AHRR: variants seen among roughly 807,000 people sequenced by gnomAD.
AHRR encodes aryl hydrocarbon receptor repressor, also known as ahR repressor.
A neutral mutation model predicts 44.0 loss-of-function variants in AHRR; 28 were observed. The observed-to-expected ratio is 0.64, with a 90% CI of 0.47 to 0.87. AHRR has a LOEUF of 0.87. AHRR is among the 40% of genes least tolerant of loss of function. The pLI is 0.00. For synonymous variants in AHRR, 434 were observed against 407.0 expected (o/e 1.07, Z -0.80); for missense variants, 990 against 953.9 (o/e 1.04, Z -0.50).
At chr5:359,826 G>A (rs1416031212) in intron 3 of AHRR, among the ~76,000 whole-genome samples, 2 of 152,152 alleles carry the variant, frequency 1.3e-5, no homozygotes, top group African/African-American at 2.4e-5. Context: ...ACAGCGCCAC[G>A]AGGTGTCCTG....
chr5:395,206 C>G lies in AHRR; in HGVS notation c.352-18138C>G, dbSNP rs1277441994. On this transcript the variant is annotated intron_variant, in intron 4 of 10. Transcript: ENST00000684583. This position sits in a 1 kb window ranked among gnomAD's most constrained non-coding sequence, Gnocchi z 5.3. The stretch of plus-strand genomic sequence containing the variant: ...CTGGGGATCCTGTCCTCAAGTCCCC[C>G]TCCTGCCAGGTGGCCGACACTGGCT... 6.6e-6 allele frequency among the ~76,000 whole-genome samples: 1 copy of G among 152,216 alleles called. No homozygotes were observed. Among genetic ancestry groups the G allele is most frequent in the African/African-American group, 2.4e-5 (1 of 41,460 alleles).
chr5:346,312 C>T (rs1249360798), intron 2 of AHRR, among the ~76,000 whole-genome samples: 1 of 152,226 alleles, frequency 6.6e-6, no homozygotes, highest in African/African-American at 2.4e-5. Flanking sequence ...AAGACACTTT[C>T]CTCTGAGTTT....
chr5:420,972 A>G (rs1304125823), intron 5 of AHRR: 4 of 281,670 alleles, frequency 1.4e-5, no homozygotes, highest in African/African-American at 1.2e-4. Flanking sequence ...GCACCGCTGA[A>G]CAGCCAAAAT....
intron 2 of AHRR, among the ~76,000 whole-genome samples, chr5:346,961 C>G (rs1390442218): frequency 6.6e-6 from 1 of 152,188 alleles, no homozygotes. Context: ...CCCCCACACT[C>G]GTGTATTGGG....
In AHRR at chr5:404,467, T is replaced by C. The variant is rs1223404844; in HGVS notation, c.352-8877T>C. 1 of 497,270 alleles carries C rather than the reference T, an allele frequency of 2.0e-6. No individual in the cohort carries two copies. The highest frequency in any genetic ancestry group is 4.0e-6 in the Non-Finnish European group (1 of 248,354). 30.8% of individuals were successfully genotyped at this position (497,270 alleles called of 1,614,324 possible). Reference sequence around the variant, plus strand: ...TGTGCTGGTGCTGTCGTGCACGGTGTGTTCACCAAAACATCTAACGCAACT... The same window carrying C: ...TGTGCTGGTGCTGTCGTGCACGGTGCGTTCACCAAAACATCTAACGCAACT... On this transcript the variant is annotated intron_variant, in intron 4 of 10. Coordinates refer to ENST00000684583, the MANE Select transcript of AHRR (RefSeq NM_001377236.1). The surrounding 1 kb of genome is among the most constrained non-coding windows in gnomAD (Gnocchi z 4.1).
At chr5:408,231 A>G (rs1236968567) in intron 4 of AHRR, among the ~76,000 whole-genome samples, 1 of 152,230 alleles carries the variant, frequency 6.6e-6, no homozygotes, top group Non-Finnish European at 1.5e-5. Flanking sequence ...CACCCCTTGT[A>G]TGGGTGGTGG....
chr5:401,350 G>A (rs886481893), intron 4 of AHRR, among the ~76,000 whole-genome samples: 2 of 152,192 alleles, frequency 1.3e-5, no homozygotes, highest in Non-Finnish European at 2.9e-5. Context: ...AAAGGGCCTC[G>A]ATGCCACAGG....
chr5:372,653 G>C (rs1357056842), intron 3 of AHRR, among the ~76,000 whole-genome samples: 1 of 152,132 alleles, frequency 6.6e-6, no homozygotes, highest in Non-Finnish European at 1.5e-5. Flanking sequence ...CCAATGGCAG[G>C]GCTGACCTCC....
intron 3 of AHRR, among the ~76,000 whole-genome samples, chr5:374,331 C>T (rs1401106574): frequency 6.6e-6 from 1 of 152,262 alleles, no homozygotes; most frequent in African/African-American, 2.4e-5. Context: ...CTGGCTTCTC[C>T]TGGGTCTGCA....
At chr5:331,607 A>G (rs1317537929) in intron 1 of AHRR, among the ~76,000 whole-genome samples, 2 of 152,188 alleles carry the variant, frequency 1.3e-5, no homozygotes, top group Non-Finnish European at 2.9e-5. Flanking sequence ...AATACTATAA[A>G]CCAGGGGTCC....
chr5:388,751 C>T lies in AHRR; in HGVS notation c.351+12035C>T, dbSNP rs988686112. Reference sequence around the variant, plus strand: ...CCCCTCTGGGCCCTGAAGAGCATCTCGGGGGACTTCAGTTTCAAACCTCAA... The same window carrying T: ...CCCCTCTGGGCCCTGAAGAGCATCTTGGGGGACTTCAGTTTCAAACCTCAA... On this transcript the variant is annotated intron_variant, in intron 4 of 10. Coordinates refer to ENST00000684583, the MANE Select transcript of AHRR (RefSeq NM_001377236.1). This position sits in a 1 kb window ranked among gnomAD's most constrained non-coding sequence, Gnocchi z 5.2. Among the ~76,000 whole-genome samples the T allele has an allele frequency of 1.3e-5, 2 of 152,126 alleles. No individual in the cohort carries two copies. The highest frequency in any genetic ancestry group is 2.9e-5 in the Non-Finnish European group (2 of 68,020).
intron 1 of AHRR, 69 bp from the exon 2 acceptor site, chr5:343,824 C>A (rs1190803281): frequency 1.2e-5 from 18 of 1,508,444 alleles, no homozygotes; most frequent in African/African-American, 2.9e-5. Flanking sequence ...CTGAGGGGCC[C>A]GGGGCATCGC....
In AHRR at chr5:406,708, A is replaced by G. The variant is rs1735274023; in HGVS notation, c.352-6636A>G. 6.6e-6 allele frequency among the ~76,000 whole-genome samples: 1 copy of G among 152,230 alleles called. No homozygotes were observed. Among genetic ancestry groups the G allele is most frequent in the Non-Finnish European group, 1.5e-5 (1 of 68,042 alleles). On this transcript the variant is annotated intron_variant, in intron 4 of 10. Coordinates refer to ENST00000684583, the MANE Select transcript of AHRR (RefSeq NM_001377236.1). The surrounding 1 kb of genome is among the most constrained non-coding windows in gnomAD (Gnocchi z 4.7). ...CCCTTCTCCCCTGTGAAACTGCACA[A>G]AACAATTCCAGATAAAATAATAGCA...
chr5:404,526 C>T lies in AHRR; in HGVS notation c.352-8818C>T. On this transcript the variant is annotated intron_variant, in intron 4 of 10. Transcript: ENST00000684583. This position sits in a 1 kb window ranked among gnomAD's most constrained non-coding sequence, Gnocchi z 4.1. ...ACTTTACGGTTTGTAGTGATAACCTCTTCAGAAAAAGAGCAGGCGTCCTGG... is the reference window on the plus strand; with the variant it reads ...ACTTTACGGTTTGTAGTGATAACCTTTTCAGAAAAAGAGCAGGCGTCCTGG... The T allele has an allele frequency of 2.9e-6, 1 of 350,350 alleles. No individual in the cohort carries two copies. Among genetic ancestry groups the T allele is most frequent in the Non-Finnish European group, 5.8e-6 (1 of 171,010 alleles). The allele number at this position is 350,350 out of a possible 1,614,324, so 21.7% of individuals were successfully genotyped here. A position where few individuals can be genotyped will look rare whatever the true frequency, so the allele number is the denominator to read the frequency against.
chr5:341,367 T>C (rs761865137), intron 1 of AHRR, among the ~76,000 whole-genome samples: 1 of 152,196 alleles, frequency 6.6e-6, no homozygotes, highest in African/African-American at 2.4e-5. Context: ...TGATGTCCTC[T>C]CTTTCATTCC....
rs568822863 is a variant in AHRR at position 406,088 on chromosome 5, G to T, written c.352-7256G>T. The stretch of plus-strand genomic sequence containing the variant: ...GAAATTCTGCAACAAAATTAACTGG[G>T]GAAAAAAAAACTAGGGAGAAAACGG... On this transcript the variant is annotated intron_variant, in intron 4 of 10. Coordinates refer to ENST00000684583, the MANE Select transcript of AHRR (RefSeq NM_001377236.1). This position sits in a 1 kb window ranked among gnomAD's most constrained non-coding sequence, Gnocchi z 4.7. Among the ~76,000 whole-genome samples the T allele has an allele frequency of 6.6e-6, 1 of 152,168 alleles. No homozygotes were observed. The highest frequency in any genetic ancestry group is 2.4e-5 in the African/African-American group (1 of 41,532).
chr5:409,554 G>A (rs1234438712), intron 4 of AHRR, among the ~76,000 whole-genome samples: 1 of 152,222 alleles, frequency 6.6e-6, no homozygotes, highest in Non-Finnish European at 1.5e-5. Context: ...GCACATCCCT[G>A]ATGGCTAAGG....
chr5:436,952 T>C lies in AHRR; in HGVS notation c.*2118T>C, dbSNP rs1215582543. 6.6e-6 allele frequency: 1 copy of C among 152,390 alleles called. No homozygotes were observed. Among genetic ancestry groups the C allele is most frequent in the Non-Finnish European group, 1.5e-5 (1 of 68,058 alleles). 9.4% of individuals were successfully genotyped at this position (152,390 alleles called of 1,614,324 possible). A position where few individuals can be genotyped will look rare whatever the true frequency, so the allele number is the denominator to read the frequency against. On this transcript the variant is annotated 3_prime_UTR_variant, in exon 11 of 11. Transcript: ENST00000684583. ...ATGGCACACTTCTGGCCTCTGGGCA[T>C]TTATGGATTTAAGACCAGGATGGTA...
rs778883110 is a variant in AHRR at position 342,741 on chromosome 5, G to A, written c.-10-1152G>A. ...CTGCACACAGGTCTGCAGAACGTTT[G>A]TGAGGGCTCAGCTGCACCCATTGCA... On this transcript the variant is annotated intron_variant, in intron 1 of 10. Coordinates refer to ENST00000684583, the MANE Select transcript of AHRR (RefSeq NM_001377236.1). This position sits in a 1 kb window ranked among gnomAD's most constrained non-coding sequence, Gnocchi z 4.3. Among the ~76,000 whole-genome samples the A allele has an allele frequency of 6.6e-6, 1 of 152,238 alleles. No individual in the cohort carries two copies. Among genetic ancestry groups the A allele is most frequent in the Admixed American group, 6.5e-5 (1 of 15,280 alleles).
Sources: allele counts gnomAD v4.1 joint callset (sites outside exome capture counted in the v4.1 genomes callset), GRCh38; gene constraint gnomAD v4.1.1; non-coding constraint Gnocchi (gnomAD v3.1); transcripts MANE v1.5; gene names NCBI Gene and HGNC (gene_info 2026-07-23, HGNC 2026-07-21).